HCK: variants seen among roughly 807,000 people sequenced by gnomAD.
HCK encodes the protein HCK proto-oncogene, Src family tyrosine kinase.
HCK carries 40 observed loss-of-function variants against 70.4 expected under a neutral mutation model. The ratio of observed to expected loss-of-function variants is 0.57; its 90% CI spans 0.44 to 0.74. HCK has a LOEUF of 0.74. HCK is among the 30% of genes least tolerant of loss of function. The pLI is 0.00. For missense variants in HCK, 568 were observed against 697.2 expected, an observed-to-expected ratio of 0.81 and a Z score of 2.09; for synonymous variants, 245 against 263.2, an observed-to-expected ratio of 0.93 and a Z score of 0.67.
rs1298246555 is a variant in HCK at position 32,094,778 on chromosome 20, A to AAG, written c.1246+762_1246+763insAG. 9.5e-3 allele frequency among the ~76,000 whole-genome samples: 997 copies of AAG among 105,190 alleles called. 18 individuals are homozygous for AAG. Among genetic ancestry groups the AAG allele is most frequent in the African/African-American group, 0.012 (289 of 24,470 alleles). The allele number at this position is 105,190 out of a possible 152,430, so 69.0% of individuals were successfully genotyped here. On this transcript the variant is annotated intron_variant, in intron 11 of 12. Coordinates refer to ENST00000375852, the MANE Select transcript of HCK (RefSeq NM_002110.5). ...GAAAGAAAGAAGGAAAGAAAGAAAGAGAGAGAAAGAGAAAGAAAGAAAGAA... is the reference window on the plus strand; with the variant it reads ...GAAAGAAAGAAGGAAAGAAAGAAAGAAGGAGAGAAAGAGAAAGAAAGAAAGAA...
At chr20:32,083,811 G>A in intron 6 of HCK, 83 bp from the exon 7 acceptor site, 1 of 1,519,898 alleles carries the variant, frequency 6.6e-7, no homozygotes, top group Non-Finnish European at 9.1e-7. Context: ...GCCAGCGGTA[G>A]CCTTACAGGG....
chr20:32,093,774 TC>T, intron 10 of HCK, 88 bp from the exon 11 acceptor site: 5 of 1,289,028 alleles, frequency 3.9e-6, no homozygotes, highest in Non-Finnish European at 5.3e-6. Flanking sequence ...CGCATTTTCT[TC>T]ACTTGAACAC....
chr20:32,073,054 C>T (rs2045566559), intron 2 of HCK, among the ~76,000 whole-genome samples: 2 of 152,162 alleles, frequency 1.3e-5, no homozygotes, highest in Non-Finnish European at 1.5e-5. Context: ...GAGCTGAGAT[C>T]ACGCCACTGC....
At chr20:32,058,318 G>A (rs1156661480) in intron 1 of HCK, among the ~76,000 whole-genome samples, 1 of 152,070 alleles carries the variant, frequency 6.6e-6, no homozygotes, top group Non-Finnish European at 1.5e-5. Flanking sequence ...GATCACCTGA[G>A]GTCAGGAGTT....
intron 8 of HCK, among the ~76,000 whole-genome samples, chr20:32,085,294 A>T (rs2045768001): frequency 6.6e-6 from 1 of 152,162 alleles, no homozygotes; most frequent in African/African-American, 2.4e-5. Flanking sequence ...AAGTGGATCA[A>T]TCAAGGTCAG....
Position 32,073,367 on chromosome 20 carries a change from T to A in HCK, c.226+6T>A. 1 of 1,611,028 alleles carries A rather than the reference T, an allele frequency of 6.2e-7. No individual in the cohort carries two copies. Among genetic ancestry groups the A allele is most frequent in the Non-Finnish European group, 8.5e-7 (1 of 1,178,692 alleles). ...CACACCAGGAATCAGGGAGGGTAAGTATCTACGAGCAGATGCAGTGGAGTC... is the reference window on the plus strand; with the variant it reads ...CACACCAGGAATCAGGGAGGGTAAGAATCTACGAGCAGATGCAGTGGAGTC... On this transcript the variant is annotated splice_donor_region_variant and intron_variant, in intron 3 of 12. Transcript: ENST00000375852.
rs2045575834 is a variant in HCK, at chr20:32,073,615, T to C, written c.227-101T>C. ...ACGCCTACTTATACTTGGAACCACA[T>C]ATCGATGGGTGCGGAGCTGTTCCAG... On this transcript the variant is annotated intron_variant, in intron 3 of 12. Coordinates refer to ENST00000375852, the MANE Select transcript of HCK (RefSeq NM_002110.5). The C allele has an allele frequency of 1.2e-5, 9 of 749,898 alleles. No homozygotes were observed. In the East Asian group the frequency reaches 1.6e-4, roughly 14 times the overall value. The allele number at this position is 749,898 out of a possible 1,614,324, so 46.5% of individuals were successfully genotyped here.
At chr20:32,059,350 C>T (rs547043071) in intron 1 of HCK, among the ~76,000 whole-genome samples, 4 of 150,076 alleles carry the variant, frequency 2.7e-5, no homozygotes, top group African/African-American at 4.9e-5. Context: ...TTCCTTCCCC[C>T]CTTCTCCTCC....
chr20:32,067,617 G>A (rs573884734), intron 1 of HCK, among the ~76,000 whole-genome samples: 1 of 139,396 alleles, frequency 7.2e-6, no homozygotes, highest in Non-Finnish European at 1.5e-5. Context: ...CGCCAGGCAT[G>A]CAGCCATTCA....
intron 10 of HCK, among the ~76,000 whole-genome samples, chr20:32,090,015 G>A (rs1396200593): frequency 2.0e-5 from 3 of 152,168 alleles, no homozygotes; most frequent in Non-Finnish European, 4.4e-5. Context: ...CAAGGGCAGG[G>A]CTCATTTGAG....
At chr20:32,088,496 T>A in intron 9 of HCK, 72 bp from the exon 10 acceptor site, 1 of 1,123,276 alleles carries the variant, frequency 8.9e-7, no homozygotes, top group Non-Finnish European at 1.3e-6. Flanking sequence ...ACTAGATTGG[T>A]GCAAAAGTAA....
chr20:32,059,944 T>C (rs1453511844), intron 1 of HCK, among the ~76,000 whole-genome samples: 3 of 151,952 alleles, frequency 2.0e-5, no homozygotes, highest in Non-Finnish European at 4.4e-5. Context: ...TTGTCAATTA[T>C]AAAAAAAATG....
Position 32,079,657 on chromosome 20 carries a change from C to A in HCK, c.429-117C>A, listed in dbSNP as rs562899281. Reference sequence around the variant, plus strand: ...TGAGTAAAACTGATGCTGCAGGAAGCCAGACCCTCTGTATCCTGACATTCC... The same window carrying A: ...TGAGTAAAACTGATGCTGCAGGAAGACAGACCCTCTGTATCCTGACATTCC... On this transcript the variant is annotated intron_variant, in intron 5 of 12. Transcript: ENST00000375852. The A allele has an allele frequency of 4.3e-4, 284 of 661,084 alleles. 2 individuals carry two copies. The African/African-American group carries it at 4.8e-3, about 11-fold the overall frequency. The allele number at this position is 661,084 out of a possible 1,614,324, so 41.0% of individuals were successfully genotyped here.
At chr20:32,093,798 TTTGGGTGGGGCCATC>T in intron 10 of HCK, 50 bp from the exon 11 acceptor site, 1 of 1,485,690 alleles carries the variant, frequency 6.7e-7, no homozygotes, top group South Asian at 1.2e-5. Context: ...CTCTGCTGCT[TTTGGGTGGGGCCATC>T]TTGGCGTAGG....
chr20:32,092,703 ACT>A (rs2045880558), intron 10 of HCK, among the ~76,000 whole-genome samples: 1 of 147,402 alleles, frequency 6.8e-6, no homozygotes, highest in African/African-American at 2.5e-5. Context: ...AACTCTCCCC[ACT>A]CTCTCTGTGG....
At position 32,088,715 on chromosome 20, in the gene HCK, A is replaced by G. The variant is rs2045824389; in HGVS notation, c.1092+71A>G. Reference sequence around the variant, plus strand: ...TTTTTTACTTGCCAAATATTTACTGACCACATACTATGATGATAGCAGTAA... The same window carrying G: ...TTTTTTACTTGCCAAATATTTACTGGCCACATACTATGATGATAGCAGTAA... On this transcript the variant is annotated intron_variant, in intron 10 of 12. Transcript: ENST00000375852. 3 of 1,080,604 alleles carry G rather than the reference A, an allele frequency of 2.8e-6. No homozygotes were observed. The South Asian group carries it at 3.8e-5, about 14-fold the overall frequency. The allele number at this position is 1,080,604 out of a possible 1,614,324, so 66.9% of individuals were successfully genotyped here. A position where few individuals can be genotyped will look rare whatever the true frequency, so the allele number is the denominator to read the frequency against.
Position 32,101,444 on chromosome 20 carries a change from G to A in HCK, c.1506G>A (p.Pro502=), listed in dbSNP as rs369898770. 7.5e-5 allele frequency: 121 copies of A among 1,614,052 alleles called. No homozygotes were observed. In the Middle Eastern group the frequency reaches 2.3e-3, roughly 31 times the overall value. The change falls in exon 13 of 13, where the codon CCG becomes CCA. Residue 502 remains proline (P), a synonymous_variant. Coordinates refer to ENST00000375852, the MANE Select transcript of HCK (RefSeq NM_002110.5). ...GGAAAAACCGTCCGGAGGAGCGGCC[G>A]ACCTTCGAATACATCCAGAGTGTGC...
At chr20:32,095,924 C>A (rs1450910418) in intron 11 of HCK, among the ~76,000 whole-genome samples, 1 of 151,506 alleles carries the variant, frequency 6.6e-6, no homozygotes, top group African/African-American at 2.4e-5. Flanking sequence ...GAGTCTCGCT[C>A]TGCTGCCCAG....
intron 1 of HCK, chr20:32,054,279 A>T: frequency 2.2e-6 from 1 of 456,224 alleles, no homozygotes; most frequent in Non-Finnish European, 4.4e-6. Flanking sequence ...ATTGCATATA[A>T]ATGTACGCAT....
Sources: allele counts gnomAD v4.1 joint callset (sites outside exome capture counted in the v4.1 genomes callset), GRCh38; gene constraint gnomAD v4.1.1; transcripts MANE v1.5; gene names NCBI Gene and HGNC (gene_info 2026-07-23, HGNC 2026-07-21).